Variants in NCR1 observed in about 807,000 individuals in gnomAD.
The protein encoded by NCR1 is NK cell-activating receptor.
A neutral mutation model predicts 32.5 loss-of-function variants in NCR1; 30 were observed. The observed-to-expected ratio is 0.92, with a 90% CI of 0.69 to 1.25. The LOEUF is 1.25. Among genes scored for constraint, NCR1 ranks in the 50% most tolerant of loss-of-function variants. The pLI, the probability that NCR1 is intolerant of heterozygous loss-of-function variation, is 0.00. For missense variants in NCR1, 369 were observed against 380.7 expected (o/e 0.97, Z 0.26); for synonymous variants, 169 against 143.4 (o/e 1.18, Z -1.28).
At chr19:54,922,021 C>T in the NCR1 span, among the ~76,000 whole-genome samples, 1 of 151,848 alleles carries the variant, frequency 6.6e-6, no homozygotes, top group Admixed American at 6.6e-5. Flanking sequence ...CTCAGCCTCC[C>T]GAGTAGCTGG....
At chr19:54,927,577 A>G in the NCR1 span, 1 of 1,431,680 alleles carries the variant, frequency 7.0e-7, no homozygotes, top group African/African-American at 2.4e-5. Context: ...AACAAAAAAC[A>G]AAACAAAACA....
At chr19:54,929,957 CA>C in the NCR1 span, among the ~76,000 whole-genome samples, 2 of 150,204 alleles carry the variant, frequency 1.3e-5, no homozygotes, top group South Asian at 4.2e-4. Flanking sequence ...ACTAAAAATA[CA>C]AAAAAAATTA....
Position 54,912,230 on chromosome 19 carries a change from G to A in NCR1, c.733+12G>A. 1.2e-6 allele frequency: 2 copies of A among 1,613,282 alleles called. No individual in the cohort carries two copies. The highest frequency in any genetic ancestry group is 1.7e-6 in the Non-Finnish European group (2 of 1,179,280). ...GGGACTCCAGAAAGGTAAGTAGACAGCTGGGGCCATAGGCTCTGAAGGAAG... is the reference window on the plus strand; with the variant it reads ...GGGACTCCAGAAAGGTAAGTAGACAACTGGGGCCATAGGCTCTGAAGGAAG... On this transcript the variant is annotated intron_variant, in intron 6 of 6. Coordinates refer to ENST00000291890, the MANE Select transcript of NCR1 (RefSeq NM_004829.7).
chr19:54,912,080 A>G, intron 5 of NCR1, 88 bp from the exon 6 acceptor site: 2 of 1,169,456 alleles, frequency 1.7e-6, no homozygotes, highest in Non-Finnish European at 2.6e-6. Context: ...GTAAAGCTGC[A>G]GAACGTCATG....
At position 54,906,686 on chromosome 19, in the gene NCR1, T is replaced by C; in HGVS notation, c.234T>C (p.Ile78=). The C allele has an allele frequency of 6.2e-7, 1 of 1,614,208 alleles. No individual in the cohort carries two copies. Among genetic ancestry groups the C allele is most frequent in the Non-Finnish European group, 8.5e-7 (1 of 1,180,042 alleles). The change falls in exon 3 of 7, where the codon ATT becomes ATC. Residue 78 remains isoleucine, a synonymous_variant. Transcript: ENST00000291890. ...AVDRPKPPER[I]NKVQFYIPDM... The stretch of plus-strand genomic sequence containing the variant: ...ACAGACCAAAACCCCCTGAGCGGAT[T>C]AACAAAGTCCAATTCTACATCCCGG...
downstream of NCR1, among the ~76,000 whole-genome samples, chr19:54,916,479 C>T (rs189268170): frequency 6.1e-3 from 910 of 150,336 alleles, 8 homozygotes; most frequent in African/African-American, 0.021. Flanking sequence ...CCACCACGCC[C>T]GGCTAATTTT....
chr19:54,909,526 G>A lies in NCR1; in HGVS notation c.634+3G>A, dbSNP rs764719693. 1.2e-6 allele frequency: 2 copies of A among 1,601,240 alleles called. No individual in the cohort carries two copies. The highest frequency in any genetic ancestry group is 8.5e-7 in the Non-Finnish European group (1 of 1,178,392). On this transcript the variant is annotated splice_donor_region_variant and intron_variant, in intron 4 of 6. Coordinates refer to ENST00000291890, the MANE Select transcript of NCR1 (RefSeq NM_004829.7). ...GCCAGTGAAGCTCCTGGTCACAGGT[G>A]AGGAAATGCTCAATTCCCCACACCC...
At chr19:54,913,878 G>T (rs1366046411), downstream of NCR1, among the ~76,000 whole-genome samples, 1 of 152,084 alleles carries the variant, frequency 6.6e-6, no homozygotes, top group Non-Finnish European at 1.5e-5. Flanking sequence ...GAGCAGCCTG[G>T]CCAACATGGT....
chr19:54,909,085 G>A (rs866344534), intron 3 of NCR1, among the ~76,000 whole-genome samples, 160 bp from the exon 4 acceptor site: 9 of 150,902 alleles, frequency 6.0e-5, no homozygotes, highest in African/African-American at 9.7e-5. Flanking sequence ...CAGGAGAAAC[G>A]CTTGAACCCG....
At chr19:54,937,238 A>C in the NCR1 span, among the ~76,000 whole-genome samples, 1 of 151,710 alleles carries the variant, frequency 6.6e-6, no homozygotes, top group African/African-American at 2.4e-5. Context: ...AAAAGTCAAG[A>C]AGCAGAGGAT....
chr19:54,936,212 G>A, the NCR1 span: 93 of 1,537,160 alleles, frequency 6.1e-5, no homozygotes, highest in Middle Eastern at 2.3e-4. Context: ...CCAGCAACAC[G>A]GTGCAGTGGA....
chr19:54,906,635 C>G lies in NCR1; in HGVS notation c.183C>G (p.His61Gln). ...GNYGAVEYQLHFEGSLFAVDR... is the reference protein window; with the variant it reads ...GNYGAVEYQLQFEGSLFAVDR... ...ATGGGGCTGTTGAATACCAGCTGCA[C>G]TTTGAAGGAAGCCTTTTTGCCGTGG... Residue 61 changes from histidine to glutamine, a missense_variant, in exon 3 of 7, where the codon CAC (histidine) becomes CAG (glutamine). His to Gln is a conservative substitution (Grantham distance 24). Coordinates refer to ENST00000291890, the MANE Select transcript of NCR1 (RefSeq NM_004829.7). The G allele has an allele frequency of 6.2e-7, 1 of 1,614,238 alleles. No individual in the cohort carries two copies. Among genetic ancestry groups the G allele is most frequent in the Non-Finnish European group, 8.5e-7 (1 of 1,180,048 alleles).
At chr19:54,921,567 T>C in the NCR1 span, among the ~76,000 whole-genome samples, 2 of 151,528 alleles carry the variant, frequency 1.3e-5, no homozygotes, top group South Asian at 4.2e-4. Flanking sequence ...AGGTCAGGAG[T>C]TCAAGACCAG....
the NCR1 span, among the ~76,000 whole-genome samples, chr19:54,936,681 G>A: frequency 5.9e-4 from 90 of 152,112 alleles, no homozygotes; most frequent in South Asian, 7.7e-3. Context: ...AGCTGGGGCC[G>A]AGGCAGGCAG....
chr19:54,933,245 A>G, the NCR1 span, among the ~76,000 whole-genome samples: 2 of 152,012 alleles, frequency 1.3e-5, no homozygotes, highest in Non-Finnish European at 2.9e-5. Flanking sequence ...TTCCAGGTTC[A>G]CGCCATTCTC....
At chr19:54,912,038 C>T (rs2068001409) in intron 5 of NCR1, 130 bp from the exon 6 acceptor site, 1 of 770,830 alleles carries the variant, frequency 1.3e-6, no homozygotes, top group South Asian at 1.5e-5. Flanking sequence ...CTGGATGAAG[C>T]TCCTGGGACC....
At chr19:54,926,272 G>A in the NCR1 span, among the ~76,000 whole-genome samples, 3 of 151,754 alleles carry the variant, frequency 2.0e-5, no homozygotes, top group Admixed American at 1.3e-4. Flanking sequence ...TGTACTCCAG[G>A]ATGATTTAAA....
At chr19:54,913,414 C>A (rs2068067351), downstream of NCR1, among the ~76,000 whole-genome samples, 2 of 152,168 alleles carry the variant, frequency 1.3e-5, no homozygotes, top group South Asian at 4.1e-4. Flanking sequence ...ATTTTTGTAC[C>A]ACTTACTGCA....
At chr19:54,914,217 T>C (rs1049653488), downstream of NCR1, among the ~76,000 whole-genome samples, 25 of 116,336 alleles carry the variant, frequency 2.1e-4, no homozygotes, top group East Asian at 1.2e-3. Context: ...GAATTTCACT[T>C]TTTTTTTTTT....
Sources: gnomAD v4.1 joint callset for allele counts (sites outside exome capture counted in the v4.1 genomes callset) on GRCh38, gnomAD v4.1.1 for gene constraint, MANE v1.5 for transcripts, NCBI Gene and HGNC (gene_info 2026-07-23, HGNC 2026-07-21) for gene names.